Variants in RPGRIP1L observed in about 807,000 individuals in gnomAD.
RPGRIP1L encodes the protein protein fantom.
In RPGRIP1L, 131 loss-of-function variants were observed where a neutral mutation model predicts 160.4. The observed-to-expected ratio is 0.82, with a 90% CI of 0.71 to 0.94. RPGRIP1L has a LOEUF of 0.94. Among genes scored for constraint, RPGRIP1L ranks in the 40% least tolerant of loss-of-function variants. The probability of loss-of-function intolerance (pLI) is 0.00; values close to 1 mark genes in which losing one functional copy is unlikely to be tolerated. For synonymous variants in RPGRIP1L, 510 were observed against 515.8 expected (o/e 0.99, Z 0.15); for missense variants, 1,522 against 1,535.8 (o/e 0.99, Z 0.15).
rs747494282 is a variant in RPGRIP1L at position 53,653,005 on chromosome 16, C to T, written c.1700-18G>A. 1 of 1,590,514 alleles carries T rather than the reference C, an allele frequency of 6.3e-7. No homozygotes were observed. The highest frequency in any genetic ancestry group is 8.6e-7 in the Non-Finnish European group (1 of 1,160,908). On this transcript the variant is annotated intron_variant, in intron 14 of 26. Transcript: ENST00000647211. ...TAATTGGGCTGCAAGAGAAGACACA[C>T]AGTTTAGAGATTTCAAAATATTGAC...
rs987159565 is a variant in RPGRIP1L, at chr16:53,610,882, T to C, written c.3701+85A>G. The C allele has an allele frequency of 7.1e-5, 78 of 1,104,950 alleles. No individual in the cohort carries two copies. The Middle Eastern group carries it at 9.8e-4, about 14-fold the overall frequency. The allele number at this position is 1,104,950 out of a possible 1,614,324, so 68.4% of individuals were successfully genotyped here. A position where few individuals can be genotyped will look rare whatever the true frequency, so the allele number is the denominator to read the frequency against. On this transcript the variant is annotated intron_variant, in intron 25 of 26. Transcript: ENST00000647211. The stretch of plus-strand genomic sequence containing the variant: ...AGAACCCCGATGTTCGGCTTCCTCA[T>C]CTTGTGCCTTTTATTTTAACCATGT...
rs184504253 is a variant in RPGRIP1L at position 53,599,964 on chromosome 16, T to C, written c.*2112A>G. ...AAACAATGTGACAGAAACATGGCTGTTTCTCTCATCTTGTCTGAGATATAC... is the reference window on the plus strand; with the variant it reads ...AAACAATGTGACAGAAACATGGCTGCTTCTCTCATCTTGTCTGAGATATAC... On this transcript the variant is annotated 3_prime_UTR_variant, in exon 27 of 27. Coordinates refer to ENST00000647211, the MANE Select transcript of RPGRIP1L (RefSeq NM_015272.5). 1 of 152,322 alleles carries C rather than the reference T, an allele frequency of 6.6e-6. No individual in the cohort carries two copies. Among genetic ancestry groups the C allele is most frequent in the East Asian group, 1.9e-4 (1 of 5,184 alleles). The allele number at this position is 152,322 out of a possible 1,614,324, so 9.4% of individuals were successfully genotyped here. A position where few individuals can be genotyped will look rare whatever the true frequency, so the allele number is the denominator to read the frequency against.
At position 53,686,678 on chromosome 16, in the gene RPGRIP1L, G is replaced by A. The variant is rs1261432761; in HGVS notation, c.633-102C>T. On this transcript the variant is annotated intron_variant, in intron 5 of 26. Transcript: ENST00000647211. ...TCTTCATGAAAAAGAGCAAGCAGAA[G>A]TTAAAAAATTTAGCTTAAGTGCCTC... 4 of 1,257,144 alleles carry A rather than the reference G, an allele frequency of 3.2e-6. No individual in the cohort carries two copies. In the African/African-American group the frequency reaches 5.9e-5, roughly 19 times the overall value. 77.9% of individuals were successfully genotyped at this position (1,257,144 alleles called of 1,614,324 possible).
chr16:53,652,325 G>A (rs552356583), intron 15 of RPGRIP1L, among the ~76,000 whole-genome samples: 8 of 152,176 alleles, frequency 5.3e-5, no homozygotes, highest in Admixed American at 1.3e-4. Context: ...CACCTGCCTC[G>A]GCCTCCCAAA....
intron 18 of RPGRIP1L, 24 bp from the exon 19 acceptor site, chr16:53,641,140 C>T (rs1431708280): frequency 8.8e-6 from 14 of 1,590,460 alleles, no homozygotes; most frequent in Non-Finnish European, 1.2e-5. Context: ...ACCAATGTGT[C>T]AGACTGAGTA....
intron 15 of RPGRIP1L, among the ~76,000 whole-genome samples, 162 bp from the exon 16 acceptor site, chr16:53,649,277 A>G (rs1966790580): frequency 6.6e-6 from 1 of 152,216 alleles, no homozygotes; most frequent in South Asian, 2.1e-4. Flanking sequence ...TAACAGATGA[A>G]GAAAATAGTT....
At chr16:53,657,215 G>C (rs1029489589) in intron 13 of RPGRIP1L, among the ~76,000 whole-genome samples, 4 of 151,922 alleles carry the variant, frequency 2.6e-5, no homozygotes, top group African/African-American at 9.7e-5. Context: ...ATTCCAGCCT[G>C]GGTGACAACA....
chr16:53,664,098 G>A (rs766463079), intron 10 of RPGRIP1L, among the ~76,000 whole-genome samples: 2 of 152,204 alleles, frequency 1.3e-5, no homozygotes, highest in African/African-American at 4.8e-5. Flanking sequence ...TCTAGGGCAT[G>A]AGCAAACAGA....
At chr16:53,659,211 T>C (rs1967550677) in intron 10 of RPGRIP1L, 1 of 979,062 alleles carries the variant, frequency 1.0e-6, no homozygotes, top group African/African-American at 1.7e-5. Context: ...GATTTTTTAC[T>C]TACTTATTAA....
At chr16:53,685,411 T>TTAATGAACA (rs1415074063) in intron 6 of RPGRIP1L, among the ~76,000 whole-genome samples, 4 of 152,180 alleles carry the variant, frequency 2.6e-5, no homozygotes, top group African/African-American at 9.7e-5. Flanking sequence ...CACACGTATG[T>TTAATGAACA]TCATTGAGTA....
At chr16:53,651,880 ATTAT>A (rs1247736374) in intron 15 of RPGRIP1L, among the ~76,000 whole-genome samples, 4 of 151,952 alleles carry the variant, frequency 2.6e-5, no homozygotes, top group African/African-American at 9.7e-5. Flanking sequence ...AGCTTATATT[ATTAT>A]TTATAATAGT....
intron 19 of RPGRIP1L, among the ~76,000 whole-genome samples, 189 bp from the exon 20 acceptor site, chr16:53,638,600 T>C (rs1000943748): frequency 2.6e-5 from 4 of 151,708 alleles, no homozygotes; most frequent in East Asian, 1.9e-4. Flanking sequence ...TAAATATATA[T>C]GTAATTTAAG....
chr16:53,643,037 C>A (rs1269245657), intron 17 of RPGRIP1L, among the ~76,000 whole-genome samples: 4 of 152,116 alleles, frequency 2.6e-5, no homozygotes, highest in Non-Finnish European at 5.9e-5. Context: ...GTGGCTTACC[C>A]CTGCAATCCC....
rs1168605440 is a variant in RPGRIP1L at position 53,698,428 on chromosome 16, G to A, written c.86-2133C>T. On this transcript the variant is annotated intron_variant, in intron 2 of 26. Coordinates refer to ENST00000647211, the MANE Select transcript of RPGRIP1L (RefSeq NM_015272.5). ...TGGGAGATGAGGGGCGCCTCTGCCC[G>A]GCCACTCCTACTGGGAAGTGAGGGG... 5.7e-4 allele frequency among the ~76,000 whole-genome samples: 81 copies of A among 142,486 alleles called. 1 individual carries two copies. The highest frequency in any genetic ancestry group is 1.9e-3 in the African/African-American group (69 of 37,126). 93.5% of individuals were successfully genotyped at this position (142,486 alleles called of 152,430 possible).
intron 17 of RPGRIP1L, among the ~76,000 whole-genome samples, chr16:53,642,031 C>T (rs1426790569): frequency 6.6e-6 from 1 of 151,834 alleles, no homozygotes; most frequent in Non-Finnish European, 1.5e-5. Flanking sequence ...AATAGTAGCA[C>T]AGAAAAAGCC....
At chr16:53,637,301 C>T (rs1048560479) in intron 21 of RPGRIP1L, among the ~76,000 whole-genome samples, 2 of 152,182 alleles carry the variant, frequency 1.3e-5, no homozygotes, top group African/African-American at 4.8e-5. Context: ...CCTATTCTTA[C>T]AGATTGTTTG....
At position 53,601,477 on chromosome 16, in the gene RPGRIP1L, TATTTA is replaced by T. The variant is rs1315315787; in HGVS notation, c.*594_*598del. 2.0e-5 allele frequency: 3 copies of T among 153,032 alleles called. No homozygotes were observed. The East Asian group carries it at 5.8e-4, about 29-fold the overall frequency. The allele number at this position is 153,032 out of a possible 1,614,324, so 9.5% of individuals were successfully genotyped here. On this transcript the variant is annotated 3_prime_UTR_variant, in exon 27 of 27. Transcript: ENST00000647211. ...AGTTGGTGCTAAGTTTCATTCTTTA[TATTTA>T]ATTGATAGAAACTGCATGCATCAAA...
chr16:53,686,578 T>A lies in RPGRIP1L; in HGVS notation c.633-2A>T. ...CTTTGTGACTGAATAACGTTTTCTC[T>A]GAAATAAAGAGCCTCTGTAAGAACT... On this transcript the variant is annotated splice_acceptor_variant, in intron 5 of 26. Transcript: ENST00000647211. LOFTEE classifies it high-confidence loss of function. 6.2e-7 allele frequency: 1 copy of A among 1,613,468 alleles called. No individual in the cohort carries two copies. The highest frequency in any genetic ancestry group is 8.5e-7 in the Non-Finnish European group (1 of 1,179,654).
At chr16:53,618,518 T>C (rs1198780796) in intron 24 of RPGRIP1L, among the ~76,000 whole-genome samples, 1 of 152,186 alleles carries the variant, frequency 6.6e-6, no homozygotes, top group East Asian at 1.9e-4. Flanking sequence ...CATTGTTTTG[T>C]TTTCTCTTAA....
Sources: gnomAD v4.1 joint callset for allele counts (sites outside exome capture counted in the v4.1 genomes callset) on GRCh38, gnomAD v4.1.1 for gene constraint, MANE v1.5 for transcripts, NCBI Gene and HGNC (gene_info 2026-07-23, HGNC 2026-07-21) for gene names.